The following PLXND1 variants were observed in gnomAD, a reference collection of about 807,000 sequenced individuals.
PLXND1 encodes the protein plexin D1.
PLXND1 carries 54 observed loss-of-function variants against 197.7 expected under a neutral mutation model. That is an observed-to-expected ratio of 0.27 (90% confidence interval 0.22 to 0.34). The LOEUF is 0.34. Among genes scored for constraint, PLXND1 ranks in the 10% least tolerant of loss-of-function variants. The pLI is 1.00. For synonymous variants in PLXND1, 1,180 were observed against 1,161.2 expected (o/e 1.02, Z -0.33); for missense variants, 2,127 against 2,699.2 (o/e 0.79, Z 4.70).
Position 129,575,550 on chromosome 3 carries a change from G to C in PLXND1, c.2449C>G (p.Arg817Gly), listed in dbSNP as rs200619991. The C allele has an allele frequency of 2.3e-5, 36 of 1,555,630 alleles. No individual in the cohort carries two copies. The highest frequency in any genetic ancestry group is 3.0e-5 in the Non-Finnish European group (35 of 1,148,914). Reference sequence around the variant, plus strand: ...CTGAGCGGGAACACCTGGCTCTTCCGGGTCGTGTGCAGCTGCAAAAGGGCA... The same window carrying C: ...CTGAGCGGGAACACCTGGCTCTTCCCGGTCGTGTGCAGCTGCAAAAGGGCA... ...RCDQVVLHTT[R>G]KSQVFPLSLQ... Residue 817 changes from arginine to glycine, a missense_variant, in exon 11 of 36, where the codon CGG becomes GGG. This residue lies in a region of PLXND1 where 1,095 missense variants were observed against 1,259.8 expected (regional missense o/e 0.87). Coordinates refer to ENST00000324093, the MANE Select transcript of PLXND1 (RefSeq NM_015103.3).
rs1355635830 is a variant in PLXND1, at chr3:129,586,579, T to C, written c.1620+9A>G. 1 of 1,564,066 alleles carries C rather than the reference T, an allele frequency of 6.4e-7. No individual in the cohort carries two copies. Among genetic ancestry groups the C allele is most frequent in the Non-Finnish European group, 8.7e-7 (1 of 1,153,500 alleles). On this transcript the variant is annotated intron_variant, in intron 3 of 35. Coordinates refer to ENST00000324093, the MANE Select transcript of PLXND1 (RefSeq NM_015103.3). The stretch of plus-strand genomic sequence containing the variant: ...CTGGGATGGCGTTGGGCTGGGGCTC[T>C]GGCCTCACCTGGTGGGACGTCATCA...
rs893922509 is a variant in PLXND1 at position 129,557,415 on chromosome 3, C to T, written c.5446-192G>A. 6.6e-6 allele frequency among the ~76,000 whole-genome samples: 1 copy of T among 152,176 alleles called. No homozygotes were observed. The highest frequency in any genetic ancestry group is 2.4e-5 in the African/African-American group (1 of 41,430). On this transcript the variant is annotated intron_variant, in intron 33 of 35. Transcript: ENST00000324093. This position sits in a 1 kb window ranked among gnomAD's most constrained non-coding sequence, Gnocchi z 4.8. ...CAGACCAGGGGCTCCTCACTGTGCTCTGTCTGCCCCGCCTACTTTCCCCAG... is the reference window on the plus strand; with the variant it reads ...CAGACCAGGGGCTCCTCACTGTGCTTTGTCTGCCCCGCCTACTTTCCCCAG...
At chr3:129,597,480 C>A (rs894093264) in intron 1 of PLXND1, among the ~76,000 whole-genome samples, 2 of 151,502 alleles carry the variant, frequency 1.3e-5, no homozygotes, top group African/African-American at 2.4e-5. Context: ...CCTCTGCCTG[C>A]GGGCCCCCCC....
At chr3:129,581,216 T>C (rs1258517861) in intron 8 of PLXND1, among the ~76,000 whole-genome samples, 1 of 152,214 alleles carries the variant, frequency 6.6e-6, no homozygotes, top group African/African-American at 2.4e-5. Flanking sequence ...TACGACTAAC[T>C]GGCACTTCAT....
At chr3:129,605,236 C>G (rs2085766364) in intron 1 of PLXND1, 93 bp downstream of exon 1, 2 of 544,428 alleles carry the variant, frequency 3.7e-6, no homozygotes, top group East Asian at 4.3e-5. Flanking sequence ...CACCTGTGAC[C>G]CACTCAGCTC....
At chr3:129,573,825 C>A in intron 12 of PLXND1, 80 bp from the exon 13 acceptor site, 1 of 1,474,204 alleles carries the variant, frequency 6.8e-7, no homozygotes, top group South Asian at 1.3e-5. Flanking sequence ...CACAGGCACC[C>A]AGCAGGGCAC....
chr3:129,557,096 G>A lies in PLXND1; in HGVS notation c.5573C>T (p.Ala1858Val). 1.2e-6 allele frequency: 2 copies of A among 1,613,986 alleles called. No individual in the cohort carries two copies. Among genetic ancestry groups the A allele is most frequent in the Non-Finnish European group, 1.7e-6 (2 of 1,180,020 alleles). ...LSEQEMNAHL[A>V]EESRKYQNEF... Reference sequence around the variant, plus strand: ...GAGCCACCGCACCCTCGACTCCTCGGCCAGATGGGCATTCATCTCTTGCTC... The same window carrying A: ...GAGCCACCGCACCCTCGACTCCTCGACCAGATGGGCATTCATCTCTTGCTC... The change falls in exon 34 of 36, where the codon GCC becomes GTC. Residue 1858 changes from alanine to valine, a missense_variant. Coordinates refer to ENST00000324093, the MANE Select transcript of PLXND1 (RefSeq NM_015103.3). The surrounding 1 kb of genome is among the most constrained non-coding windows in gnomAD (Gnocchi z 4.8).
chr3:129,572,985 C>A, intron 13 of PLXND1, 44 bp from the exon 14 acceptor site: 2 of 1,412,512 alleles, frequency 1.4e-6, no homozygotes, highest in South Asian at 1.2e-5. Context: ...TTGGCCCCCA[C>A]GGCCACCCTA....
intron 8 of PLXND1, among the ~76,000 whole-genome samples, chr3:129,579,013 G>T (rs542854259): frequency 5.9e-4 from 90 of 152,214 alleles, no homozygotes; most frequent in Middle Eastern, 3.2e-3. Flanking sequence ...CCGGGTATAA[G>T]TCACAGCCTC....
intron 8 of PLXND1, among the ~76,000 whole-genome samples, chr3:129,581,848 G>A (rs1026470795): frequency 2.8e-4 from 42 of 152,228 alleles, no homozygotes; most frequent in Admixed American, 2.4e-3. Context: ...GGTCCTCCTC[G>A]CATCCCCTAG....
intron 2 of PLXND1, among the ~76,000 whole-genome samples, chr3:129,588,358 G>A (rs907016193): frequency 2.0e-5 from 3 of 152,162 alleles, no homozygotes; most frequent in Non-Finnish European, 4.4e-5. Context: ...CATGGGTGTC[G>A]GGGGTGGGGG....
intron 8 of PLXND1, among the ~76,000 whole-genome samples, chr3:129,578,750 A>G (rs112814228): frequency 0.049 from 7,435 of 152,268 alleles, 260 homozygotes; most frequent in East Asian, 0.11. Context: ...GCTGAACTCC[A>G]GGCCCAGCTC....
In PLXND1 at chr3:129,573,671, G is replaced by A; in HGVS notation, c.2760C>T (p.Leu920=). 1 of 1,613,648 alleles carries A rather than the reference G, an allele frequency of 6.2e-7. No individual in the cohort carries two copies. The highest frequency in any genetic ancestry group is 8.5e-7 in the Non-Finnish European group (1 of 1,179,994). The stretch of plus-strand genomic sequence containing the variant: ...TCCACACGCCGTGGGCCACGTCACT[G>A]AGCCGCCGGCCCAGGTTCCTTCCTC... The part of the protein sequence containing the change: ...TIRGRNLGRR[L]SDVAHGVWIG... Residue 920 remains leucine (L), a synonymous_variant, in exon 13 of 36, where the codon CTC becomes CTT. Transcript: ENST00000324093.
chr3:129,603,010 A>G (rs2626006), intron 1 of PLXND1, among the ~76,000 whole-genome samples: 149,367 of 152,318 alleles, frequency 0.98, 73,312 homozygotes, highest in East Asian at 1. Flanking sequence ...CTGTCGCTGC[A>G]TAGCTGGCAA....
intron 1 of PLXND1, among the ~76,000 whole-genome samples, chr3:129,589,905 CA>C (rs1292547580): frequency 6.6e-6 from 1 of 152,160 alleles, no homozygotes; most frequent in Non-Finnish European, 1.5e-5. Flanking sequence ...GAGGAGTCCA[CA>C]CCAGATGACC....
At chr3:129,562,073 G>C (rs1318899890) in intron 27 of PLXND1, among the ~76,000 whole-genome samples, 170 bp from the exon 28 acceptor site, 1 of 152,142 alleles carries the variant, frequency 6.6e-6, no homozygotes, top group African/African-American at 2.4e-5. Flanking sequence ...GGGAGGGCAG[G>C]AAAGAGCTGG....
intron 1 of PLXND1, among the ~76,000 whole-genome samples, chr3:129,598,267 C>A (rs2085656895): frequency 6.6e-6 from 1 of 152,176 alleles, no homozygotes; most frequent in Admixed American, 6.5e-5. Context: ...AACCTCCCCT[C>A]CTCCAGGAAG....
intron 7 of PLXND1, 145 bp downstream of exon 7, chr3:129,583,980 T>C (rs1378405449): frequency 7.7e-6 from 5 of 646,028 alleles, no homozygotes; most frequent in African/African-American, 1.8e-5. Flanking sequence ...AATGAATAAA[T>C]GTGCTGGTGA....
chr3:129,579,884 C>G (rs1183499945), intron 8 of PLXND1, among the ~76,000 whole-genome samples: 1 of 152,192 alleles, frequency 6.6e-6, no homozygotes, highest in Non-Finnish European at 1.5e-5. Flanking sequence ...CTCAGGGACC[C>G]CAGCCCAAAA....
Sources: gnomAD v4.1 joint callset for allele counts (sites outside exome capture counted in the v4.1 genomes callset) on GRCh38, gnomAD v4.1.1 for gene constraint, gnomAD v4.1.1 regional missense constraint, Gnocchi (gnomAD v3.1) non-coding constraint, MANE v1.5 for transcripts, NCBI Gene and HGNC (gene_info 2026-07-23, HGNC 2026-07-21) for gene names.